CSPP1: variants seen among roughly 807,000 people sequenced by gnomAD.
CSPP1 encodes centrosome and spindle pole associated protein 1, also known as centrosome and spindle pole-associated protein 1.
In CSPP1, 126 loss-of-function variants were observed where a neutral mutation model predicts 164.4. That is an observed-to-expected ratio of 0.77 (90% confidence interval 0.66 to 0.89). The LOEUF is 0.89. Ranked by LOEUF, CSPP1 falls within the 40% of genes least tolerant of loss-of-function variation. The pLI is 0.00. For synonymous variants in CSPP1, 472 were observed against 476.7 expected (o/e 0.99, Z 0.13); for missense variants, 1,395 against 1,449.8 (o/e 0.96, Z 0.61).
In CSPP1 at chr8:67,149,946, A is replaced by AC; in HGVS notation, c.2128+12dup. On this transcript the variant is annotated intron_variant, in intron 18 of 30. Transcript: ENST00000678616. The stretch of plus-strand genomic sequence containing the variant: ...CAAATAAAAGCTCAGGTTTTTAATC[A>AC]CTTTTTTTTTTTTTTTTTTTTTTTT... 1.5e-6 allele frequency: 2 copies of AC among 1,365,180 alleles called. No individual in the cohort carries two copies. The highest frequency in any genetic ancestry group is 1.7e-5 in the South Asian group (1 of 58,086). 84.6% of individuals were successfully genotyped at this position (1,365,180 alleles called of 1,614,324 possible).
chr8:67,186,738 T>C (rs1834709452), intron 28 of CSPP1, among the ~76,000 whole-genome samples: 1 of 152,202 alleles, frequency 6.6e-6, no homozygotes. Context: ...GAATTGTTTT[T>C]CTTCACAGAT....
chr8:67,170,901 C>G (rs1830335523), intron 24 of CSPP1, among the ~76,000 whole-genome samples: 1 of 151,892 alleles, frequency 6.6e-6, no homozygotes, highest in Admixed American at 6.6e-5. Flanking sequence ...GTTCTCCTGC[C>G]TCAGCCTCCT....
rs748162424 is a variant in CSPP1, at chr8:67,112,002, G to A, written c.1124G>A (p.Arg375Lys). The change falls in exon 10 of 31, where the codon AGG becomes AAG. Residue 375 changes from arginine to lysine, a missense_variant. Transcript: ENST00000678616. ...GAAGATCGAGAACTTATTCAGAGAA[G>A]GAAAGAGAAATACAGACTAGAACTG... ...GGEDRELIQR[R>K]KEKYRLELLE... 6.2e-7 allele frequency: 1 copy of A among 1,610,560 alleles called. No homozygotes were observed. Among genetic ancestry groups the A allele is most frequent in the Non-Finnish European group, 8.5e-7 (1 of 1,178,116 alleles).
chr8:67,071,041 C>T lies in CSPP1; in HGVS notation c.-10-3202C>T, dbSNP rs78362144. Among the ~76,000 whole-genome samples the T allele has an allele frequency of 2.7e-3, 408 of 152,302 alleles. 2 individuals are homozygous for T. The highest frequency in any genetic ancestry group is 9.6e-3 in the African/African-American group (398 of 41,574). On this transcript the variant is annotated intron_variant, in intron 1 of 30. Coordinates refer to ENST00000678616, the MANE Select transcript of CSPP1 (RefSeq NM_001382391.1). ...GTGCTGGGATTACAAGTGTGAGCCA[C>T]CAAGCCCAGCCTACGGCTATGTTTT...
At chr8:67,141,072 C>T (rs1823394791) in intron 17 of CSPP1, among the ~76,000 whole-genome samples, 1 of 152,076 alleles carries the variant, frequency 6.6e-6, no homozygotes, top group African/African-American at 2.4e-5. Context: ...TAACTAGTTA[C>T]CATGAAAAAT....
intron 3 of CSPP1, among the ~76,000 whole-genome samples, chr8:67,077,819 C>T (rs182576788): frequency 2.6e-5 from 4 of 152,212 alleles, no homozygotes; most frequent in Admixed American, 2.0e-4. Context: ...AAGGGGATGC[C>T]GGCCAAGAAA....
intron 1 of CSPP1, among the ~76,000 whole-genome samples, chr8:67,070,527 T>C (rs1806523925): frequency 6.6e-6 from 1 of 151,066 alleles, no homozygotes; most frequent in Non-Finnish European, 1.5e-5. Flanking sequence ...TCCCAGTGAT[T>C]CTGGTGGCCA....
At chr8:67,077,067 T>C (rs1223038646) in intron 3 of CSPP1, among the ~76,000 whole-genome samples, 4 of 152,202 alleles carry the variant, frequency 2.6e-5, no homozygotes, top group African/African-American at 4.8e-5. Context: ...TATGAAAATA[T>C]TTGGAAACTT....
chr8:67,175,245 C>A, intron 25 of CSPP1, 51 bp from the exon 26 acceptor site: 2 of 1,407,098 alleles, frequency 1.4e-6, no homozygotes, highest in Non-Finnish European at 2.0e-6. Context: ...TTACAAAATC[C>A]CATTTGAAAA....
Position 67,177,679 on chromosome 8 carries a change from G to GT in CSPP1, c.3111dup (p.Asp1038Ter). The GT allele has an allele frequency of 6.2e-7, 1 of 1,607,900 alleles. No homozygotes were observed. The highest frequency in any genetic ancestry group is 2.2e-5 in the East Asian group (1 of 44,776). The stretch of plus-strand genomic sequence containing the variant: ...TTGCTTTTGTTCTCCATTGACTACA[G>GT]TTGACTTAGATGCCATCCCAAGTGC... On this transcript the variant is annotated frameshift_variant and splice_region_variant. Transcript: ENST00000678616. LOFTEE classifies it high-confidence loss of function.
chr8:67,083,045 T>C (rs1809536392), intron 3 of CSPP1, among the ~76,000 whole-genome samples: 2 of 152,182 alleles, frequency 1.3e-5, no homozygotes, highest in Admixed American at 1.3e-4. Flanking sequence ...TTACCTCTAA[T>C]GCCATAAAAT....
At chr8:67,190,519 G>C (rs1241623140) in intron 28 of CSPP1, 131 bp from the exon 29 acceptor site, 2 of 673,360 alleles carry the variant, frequency 3.0e-6, no homozygotes, top group Non-Finnish European at 5.4e-6. Flanking sequence ...ACCGAACTGT[G>C]TATGTACATA....
chr8:67,076,466 A>T lies in CSPP1; in HGVS notation c.100-16A>T. On this transcript the variant is annotated splice_polypyrimidine_tract_variant and intron_variant, in intron 2 of 30. Coordinates refer to ENST00000678616, the MANE Select transcript of CSPP1 (RefSeq NM_001382391.1). Reference sequence around the variant, plus strand: ...TTTTTTTCCTCTTGCTTTTGTAAACATTATGTCTCTTTCAGGGAAAGTTGT... The same window carrying T: ...TTTTTTTCCTCTTGCTTTTGTAAACTTTATGTCTCTTTCAGGGAAAGTTGT... The T allele has an allele frequency of 6.8e-7, 1 of 1,475,082 alleles. No homozygotes were observed. The highest frequency in any genetic ancestry group is 9.3e-7 in the Non-Finnish European group (1 of 1,080,752). The allele number at this position is 1,475,082 out of a possible 1,614,324, so 91.4% of individuals were successfully genotyped here. A position where few individuals can be genotyped will look rare whatever the true frequency, so the allele number is the denominator to read the frequency against.
chr8:67,102,187 A>G (rs1296484318), intron 7 of CSPP1, among the ~76,000 whole-genome samples: 1 of 152,210 alleles, frequency 6.6e-6, no homozygotes, highest in Non-Finnish European at 1.5e-5. Context: ...TATATTTTCC[A>G]TTCACCTATC....
chr8:67,144,420 A>G (rs557679663), intron 17 of CSPP1, among the ~76,000 whole-genome samples: 1 of 152,200 alleles, frequency 6.6e-6, no homozygotes, highest in South Asian at 2.1e-4. Context: ...TTCTGGCCTG[A>G]TAACATGAAT....
chr8:67,118,454 A>G, intron 14 of CSPP1, 85 bp downstream of exon 14: 3 of 1,378,880 alleles, frequency 2.2e-6, no homozygotes, highest in East Asian at 4.6e-5. Flanking sequence ...AAATATCTAA[A>G]TGAGAAAAGC....
intron 28 of CSPP1, among the ~76,000 whole-genome samples, chr8:67,187,735 GAGGACCAAAGGCAGTACTGACAA>G (rs1247704690): frequency 7.9e-5 from 12 of 152,278 alleles, no homozygotes; most frequent in Admixed American, 4.6e-4. Flanking sequence ...ATCTCTGACA[GAGGACCAAAGGCAGTACTGACAA>G]AGGACCAAAG....
chr8:67,151,719 A>G (rs1195208154), intron 18 of CSPP1, among the ~76,000 whole-genome samples: 1 of 152,152 alleles, frequency 6.6e-6, no homozygotes, highest in East Asian at 1.9e-4. Flanking sequence ...AATTGAGTAA[A>G]AAAAAAACCA....
chr8:67,175,208 G>T, intron 25 of CSPP1, 88 bp from the exon 26 acceptor site: 1 of 903,950 alleles, frequency 1.1e-6, no homozygotes. Context: ...TTGAAATTAG[G>T]TTACTCATGT....
Sources: gnomAD v4.1 joint callset for allele counts (sites outside exome capture counted in the v4.1 genomes callset) on GRCh38, gnomAD v4.1.1 for gene constraint, MANE v1.5 for transcripts, NCBI Gene and HGNC (gene_info 2026-07-23, HGNC 2026-07-21) for gene names.